Variants in AGMO observed in about 807,000 individuals in gnomAD.
AGMO encodes the protein alkylglycerol monooxygenase.
Under a neutral mutation model 60.2 loss-of-function variants are expected in AGMO, and 75 were observed. The observed-to-expected ratio is 1.25, with a 90% CI of 1.03 to 1.51. The LOEUF is 1.51. Among genes scored for constraint, AGMO ranks in the 40% most tolerant of loss-of-function variants. The probability of loss-of-function intolerance (pLI) is 0.00; values close to 1 mark genes in which losing one functional copy is unlikely to be tolerated. For missense variants in AGMO, 763 were observed against 525.5 expected (o/e 1.45, Z -4.42); for synonymous variants, 261 against 177.1 (o/e 1.47, Z -3.76).
intron 12 of AGMO, among the ~76,000 whole-genome samples, chr7:15,244,874 G>A (rs765255838): frequency 3.9e-5 from 6 of 152,058 alleles, no homozygotes; most frequent in Non-Finnish European, 8.8e-5. Context: ...GGATGGTCTC[G>A]ATCTCCTGAC....
chr7:15,434,669 A>G (rs1781348975), intron 3 of AGMO, among the ~76,000 whole-genome samples: 1 of 152,130 alleles, frequency 6.6e-6, no homozygotes, highest in African/African-American at 2.4e-5. Flanking sequence ...TTCCAATGAC[A>G]CTGCAGTTTG....
chr7:15,533,616 A>G (rs962382706), intron 3 of AGMO, among the ~76,000 whole-genome samples: 1 of 152,022 alleles, frequency 6.6e-6, no homozygotes, highest in South Asian at 2.1e-4. Context: ...TTTTTTCCTG[A>G]GCAGTATTTT....
At chr7:15,297,549 G>A (rs188203253) in intron 12 of AGMO, among the ~76,000 whole-genome samples, 1 of 152,218 alleles carries the variant, frequency 6.6e-6, no homozygotes, top group Admixed American at 6.5e-5. Context: ...GTAAATCACA[G>A]AAAAGTTAGT....
chr7:15,270,229 C>T (rs1783554265), intron 12 of AGMO, among the ~76,000 whole-genome samples: 1 of 151,942 alleles, frequency 6.6e-6, no homozygotes, highest in Non-Finnish European at 1.5e-5. Context: ...ATTCCCACCA[C>T]CTTGTAAAAG....
At chr7:15,354,493 CGTGT>C (rs1563105923) in intron 12 of AGMO, among the ~76,000 whole-genome samples, 1 of 11,902 alleles carries the variant, frequency 8.4e-5, no homozygotes, top group Non-Finnish European at 1.6e-4. Context: ...TATATACACA[CGTGT>C]ATATATATAT....
chr7:15,348,196 G>A (rs1343485987), intron 12 of AGMO, among the ~76,000 whole-genome samples: 3 of 151,922 alleles, frequency 2.0e-5, no homozygotes, highest in African/African-American at 7.2e-5. Context: ...TCTCCCAAAG[G>A]TCCATATCCT....
At chr7:15,352,276 TCCTG>T (rs897571225) in intron 12 of AGMO, among the ~76,000 whole-genome samples, 53 of 152,144 alleles carry the variant, frequency 3.5e-4, no homozygotes, top group African/African-American at 1.0e-3. Flanking sequence ...TCCCTACTTG[TCCTG>T]CCTATTTAAA....
At chr7:15,445,682 TA>T (rs1341878911) in intron 3 of AGMO, among the ~76,000 whole-genome samples, 1 of 152,082 alleles carries the variant, frequency 6.6e-6, no homozygotes, top group East Asian at 1.9e-4. Flanking sequence ...ACATCAAACA[TA>T]AAAAAACAAA....
chr7:15,456,175 C>T (rs1247260770), intron 3 of AGMO, among the ~76,000 whole-genome samples: 1 of 152,148 alleles, frequency 6.6e-6, no homozygotes, highest in Non-Finnish European at 1.5e-5. Context: ...TTTCTGTCTT[C>T]ATATATTTAA....
chr7:15,472,323 AG>A (rs1355743062), intron 3 of AGMO, among the ~76,000 whole-genome samples: 3 of 151,972 alleles, frequency 2.0e-5, no homozygotes, highest in Non-Finnish European at 4.4e-5. Flanking sequence ...ATGTTCAAAA[AG>A]CTGAATGGAA....
the AGMO span, among the ~76,000 whole-genome samples, chr7:15,153,408 C>A: frequency 8.6e-4 from 130 of 152,018 alleles, no homozygotes; most frequent in Non-Finnish European, 1.6e-3. Flanking sequence ...AATCATGAAG[C>A]CTTTGCTTAA....
chr7:15,362,638 G>A (rs530187925), intron 12 of AGMO, among the ~76,000 whole-genome samples: 1 of 152,144 alleles, frequency 6.6e-6, no homozygotes, highest in Non-Finnish European at 1.5e-5. Flanking sequence ...CCGTGCATGT[G>A]CCCAGATGGA....
intron 12 of AGMO, among the ~76,000 whole-genome samples, chr7:15,244,204 A>G (rs1159154868): frequency 6.6e-6 from 1 of 152,204 alleles, no homozygotes; most frequent in Admixed American, 6.5e-5. Context: ...CAAAGCATAA[A>G]ATGTGAGAGA....
chr7:15,527,450 G>C (rs187825549), intron 3 of AGMO, among the ~76,000 whole-genome samples: 2 of 152,270 alleles, frequency 1.3e-5, no homozygotes, highest in East Asian at 3.9e-4. Flanking sequence ...GGATGAAAGG[G>C]ATGAGGGAGC....
At chr7:15,392,321 T>A (rs1240733021) in intron 6 of AGMO, among the ~76,000 whole-genome samples, 1 of 108,408 alleles carries the variant, frequency 9.2e-6, no homozygotes, top group African/African-American at 4.0e-5. Context: ...TGATCCGCGA[T>A]CCGCCTCCCA....
At chr7:15,276,615 T>G (rs1346529491) in intron 12 of AGMO, among the ~76,000 whole-genome samples, 1 of 152,182 alleles carries the variant, frequency 6.6e-6, no homozygotes, top group Non-Finnish European at 1.5e-5. Context: ...TCTTCATTAT[T>G]CACTCAAATG....
At chr7:15,360,740 G>A (rs1191751155) in intron 12 of AGMO, among the ~76,000 whole-genome samples, 1 of 151,988 alleles carries the variant, frequency 6.6e-6, no homozygotes, top group African/African-American at 2.4e-5. Context: ...ATGGACCTGT[G>A]CATTCAAACC....
At chr7:15,389,793 A>C (rs942338373) in intron 8 of AGMO, among the ~76,000 whole-genome samples, 1 of 152,214 alleles carries the variant, frequency 6.6e-6, no homozygotes, top group Non-Finnish European at 1.5e-5. Context: ...CCACTACTTT[A>C]TAAGGTTTTA....
intron 2 of AGMO, among the ~76,000 whole-genome samples, chr7:15,553,502 C>T (rs1349717217): frequency 6.6e-6 from 1 of 152,034 alleles, no homozygotes; most frequent in Non-Finnish European, 1.5e-5. Context: ...GAAGAGCCTA[C>T]TAAGTGCCAG....
Sources: gnomAD v4.1 joint callset for allele counts (sites outside exome capture counted in the v4.1 genomes callset) on GRCh38, gnomAD v4.1.1 for gene constraint, MANE v1.5 for transcripts, NCBI Gene and HGNC (gene_info 2026-07-23, HGNC 2026-07-21) for gene names.